COL4A1: variants seen among roughly 807,000 people sequenced by gnomAD.
COL4A1 encodes collagen alpha-1(IV) chain.
Under a neutral mutation model 216.6 loss-of-function variants are expected in COL4A1, and 40 were observed. The observed-to-expected ratio is 0.18, with a 90% CI of 0.14 to 0.24. The LOEUF (loss-of-function observed/expected upper bound fraction) is 0.24. COL4A1 is among the 10% of genes least tolerant of loss of function. The pLI is 1.00. For missense variants in COL4A1, 1,628 were observed against 2,196.8 expected (o/e 0.74, Z 5.18); for synonymous variants, 839 against 810.7 (o/e 1.03, Z -0.59).
At chr13:110,256,997 G>A (rs1383026290) in intron 1 of COL4A1, among the ~76,000 whole-genome samples, 2 of 152,092 alleles carry the variant, frequency 1.3e-5, no homozygotes, top group Non-Finnish European at 2.9e-5. Context: ...CAGCCAGCCA[G>A]AATGAAACTA....
intron 2 of COL4A1, among the ~76,000 whole-genome samples, chr13:110,218,706 C>G (rs1353460590): frequency 6.6e-6 from 1 of 152,188 alleles, no homozygotes; most frequent in Non-Finnish European, 1.5e-5. Context: ...TCCAAGCATT[C>G]TAGGCACCAT....
At chr13:110,162,031 A>C in intron 48 of COL4A1, 199 bp downstream of exon 48, 1 of 664,576 alleles carries the variant, frequency 1.5e-6, no homozygotes. Context: ...TTAGTAATAC[A>C]GCAGCTGTTG....
intron 1 of COL4A1, among the ~76,000 whole-genome samples, chr13:110,276,206 T>C (rs1196818494): frequency 6.6e-6 from 1 of 152,154 alleles, no homozygotes; most frequent in East Asian, 1.9e-4. Flanking sequence ...ACAATTTTGC[T>C]GTGAACCTAA....
intron 28 of COL4A1, among the ~76,000 whole-genome samples, chr13:110,181,599 GC>G (rs943159839): frequency 5.2e-4 from 79 of 152,236 alleles, no homozygotes; most frequent in African/African-American, 1.9e-3. Flanking sequence ...CAGCACCTCT[GC>G]CCTCCTCTTT....
At chr13:110,210,074 T>C (rs946018869) in intron 9 of COL4A1, 32 bp from the exon 10 acceptor site, 22 of 1,613,894 alleles carry the variant, frequency 1.4e-5, no homozygotes, top group Non-Finnish European at 1.7e-5. Context: ...TGAGTTCAGA[T>C]GCGAACTGGG....
In COL4A1 at chr13:110,204,509, C is replaced by T. The variant is rs138349708; in HGVS notation, c.957+844G>A. Among the ~76,000 whole-genome samples, 1,384 of 152,180 alleles carry T rather than the reference C, an allele frequency of 9.1e-3. 12 individuals carry two copies. The highest frequency in any genetic ancestry group is 0.012 in the Non-Finnish European group (819 of 68,006). On this transcript the variant is annotated intron_variant, in intron 17 of 51. Transcript: ENST00000375820. ...GAGGCCCTCCCCGCAGCTTTCCATT[C>T]GCCTTTGGTGATGACTATTCCAAAA...
chr13:110,207,477 C>A lies in COL4A1; in HGVS notation c.706G>T (p.Val236Phe). 1 of 1,614,028 alleles carries A rather than the reference C, an allele frequency of 6.2e-7. No individual in the cohort carries two copies. Among genetic ancestry groups the A allele is most frequent in the Non-Finnish European group, 8.5e-7 (1 of 1,179,938 alleles). Residue 236 changes from valine to phenylalanine, a missense_variant, in exon 13 of 52, where the codon GTC (valine) becomes TTC (phenylalanine). By Grantham distance (50) the Val-to-Phe change is conservative. Around this residue, in one of 8 missense-constraint regions of COL4A1, gnomAD observed 23 missense variants for 66.0 expected, o/e 0.35. Coordinates refer to ENST00000375820, the MANE Select transcript of COL4A1 (RefSeq NM_001845.6). The surrounding 1 kb of genome is among the most constrained non-coding windows in gnomAD (Gnocchi z 4.4). Reference sequence around the variant, plus strand: ...CCTGGTACTCCTGGAGGCCCACTGACCCCTTGGTCACCCTGTCGACATAAA... The same window carrying A: ...CCTGGTACTCCTGGAGGCCCACTGAACCCTTGGTCACCCTGTCGACATAAA... The part of the protein sequence containing the change: ...GPKGDKGDQG[V>F]SGPPGVPGQA...
At chr13:110,220,498 T>C (rs1235780627) in intron 2 of COL4A1, among the ~76,000 whole-genome samples, 1 of 152,200 alleles carries the variant, frequency 6.6e-6, no homozygotes, top group Non-Finnish European at 1.5e-5. Context: ...CGCACAATGC[T>C]AGCCCAGGAA....
Position 110,192,966 on chromosome 13 carries a change from C to T in COL4A1, c.1382-53G>A, listed in dbSNP as rs371827720. ...CGTGTAACATGTGACCAGAAGTCTC[C>T]GCAGTGCACTGAGAGAACAGAAAAA... On this transcript the variant is annotated intron_variant, in intron 22 of 51. Coordinates refer to ENST00000375820, the MANE Select transcript of COL4A1 (RefSeq NM_001845.6). 37 of 1,529,136 alleles carry T rather than the reference C, an allele frequency of 2.4e-5. No homozygotes were observed. In the African/African-American group the frequency reaches 3.4e-4, roughly 14 times the overall value. 94.7% of individuals were successfully genotyped at this position (1,529,136 alleles called of 1,614,324 possible). A position where few individuals can be genotyped will look rare whatever the true frequency, so the allele number is the denominator to read the frequency against.
chr13:110,241,942 C>A (rs1408655241), intron 2 of COL4A1, among the ~76,000 whole-genome samples: 1 of 152,192 alleles, frequency 6.6e-6, no homozygotes, highest in East Asian at 1.9e-4. Context: ...GCTGTGCGCA[C>A]CTGCACCAAA....
chr13:110,294,045 T>C (rs1438128975), intron 1 of COL4A1, among the ~76,000 whole-genome samples: 1 of 152,196 alleles, frequency 6.6e-6, no homozygotes, highest in Non-Finnish European at 1.5e-5. Flanking sequence ...AAGGCTCAAG[T>C]GCTCATTGTG....
At chr13:110,235,658 C>CAA (rs4000273) in intron 2 of COL4A1, among the ~76,000 whole-genome samples, 82,332 of 129,152 alleles carry the variant, frequency 0.64, 25,408 homozygotes, top group East Asian at 0.89. Flanking sequence ...GACTCTGTCT[C>CAA]AAAAAAAAAA....
chr13:110,217,800 T>C (rs183850331), intron 2 of COL4A1, among the ~76,000 whole-genome samples: 143 of 152,250 alleles, frequency 9.4e-4, no homozygotes, highest in African/African-American at 3.3e-3. Flanking sequence ...GAATACAACA[T>C]GGAGAATAAT....
Position 110,223,889 on chromosome 13 carries a change from G to A in COL4A1, c.145-9874C>T, listed in dbSNP as rs142537990. Among the ~76,000 whole-genome samples, 22 of 152,326 alleles carry A rather than the reference G, an allele frequency of 1.4e-4. No homozygotes were observed. The East Asian group carries it at 3.5e-3, about 24-fold the overall frequency. On this transcript the variant is annotated intron_variant, in intron 2 of 51. Coordinates refer to ENST00000375820, the MANE Select transcript of COL4A1 (RefSeq NM_001845.6). ...GAGGCTTGGTACTGACCTGCCAAGAGTTGGGAAGCCAACTGAGGAATGTCC... is the reference window on the plus strand; with the variant it reads ...GAGGCTTGGTACTGACCTGCCAAGAATTGGGAAGCCAACTGAGGAATGTCC...
chr13:110,246,062 C>T (rs1338658281), intron 1 of COL4A1, among the ~76,000 whole-genome samples: 1 of 151,456 alleles, frequency 6.6e-6, no homozygotes, highest in African/African-American at 2.4e-5. Flanking sequence ...TTAGGGTTAG[C>T]TTTTCAGAAC....
intron 1 of COL4A1, among the ~76,000 whole-genome samples, chr13:110,290,313 C>T (rs867125475): frequency 6.6e-6 from 1 of 152,176 alleles, no homozygotes; most frequent in Non-Finnish European, 1.5e-5. Flanking sequence ...TTTCCAGACT[C>T]CCCAGAGGGA....
chr13:110,255,258 G>C (rs1461298137), intron 1 of COL4A1, among the ~76,000 whole-genome samples: 1 of 152,086 alleles, frequency 6.6e-6, no homozygotes, highest in African/African-American at 2.4e-5. Flanking sequence ...AAAGTTTAGA[G>C]ATGAGGGAGA....
At chr13:110,197,903 A>C (rs2139186460) in intron 21 of COL4A1, among the ~76,000 whole-genome samples, 1 of 152,300 alleles carries the variant, frequency 6.6e-6, no homozygotes, top group South Asian at 2.1e-4. Context: ...GGTTGGCTTA[A>C]ATCCTTGGAG....
At chr13:110,296,412 G>A (rs145211094) in intron 1 of COL4A1, among the ~76,000 whole-genome samples, 365 of 152,218 alleles carry the variant, frequency 2.4e-3, no homozygotes, top group Admixed American at 3.6e-3. Flanking sequence ...AAATAAAGTC[G>A]TAGTAAAAGA....
Sources: gnomAD v4.1 joint callset for allele counts (sites outside exome capture counted in the v4.1 genomes callset) on GRCh38, gnomAD v4.1.1 for gene constraint, gnomAD v4.1.1 regional missense constraint, Gnocchi (gnomAD v3.1) non-coding constraint, MANE v1.5 for transcripts, NCBI Gene and HGNC (gene_info 2026-07-23, HGNC 2026-07-21) for gene names.